The following ZNF541 variants were observed in gnomAD, a reference collection of about 807,000 sequenced individuals.
The protein encoded by ZNF541 is zinc finger protein 541.
Under a neutral mutation model 123.5 loss-of-function variants are expected in ZNF541, and 23 were observed. The ratio of observed to expected loss-of-function variants is 0.19; its 90% CI spans 0.13 to 0.26. The LOEUF is 0.26. Ranked by LOEUF, ZNF541 falls within the 10% of genes least tolerant of loss-of-function variation. ZNF541 has a pLI of 1.00. For missense variants in ZNF541, 1,612 were observed against 1,789.9 expected (o/e 0.90, Z 1.79); for synonymous variants, 751 against 754.5 (o/e 1.00, Z 0.08).
At chr19:47,540,397 TTTG>T (rs1004489095) in intron 6 of ZNF541, 62 bp from the exon 7 acceptor site, 2 of 1,457,146 alleles carry the variant, frequency 1.4e-6, no homozygotes, top group Non-Finnish European at 1.8e-6. Context: ...TCACTGATTT[TTTG>T]TTGTTTTTTT....
intron 2 of ZNF541, among the ~76,000 whole-genome samples, chr19:47,561,200 G>A (rs1189552665): frequency 1.3e-5 from 2 of 152,130 alleles, no homozygotes; most frequent in East Asian, 1.9e-4. Flanking sequence ...CTGGCTGGGT[G>A]TGGTGGCTCA....
chr19:47,533,455 C>T (rs528775713), intron 9 of ZNF541, among the ~76,000 whole-genome samples: 1 of 141,644 alleles, frequency 7.1e-6, no homozygotes, highest in South Asian at 2.5e-4. Context: ...AACAAATTAA[C>T]TCATGACAAG....
intron 2 of ZNF541, among the ~76,000 whole-genome samples, chr19:47,557,802 T>G (rs1970884886): frequency 6.6e-6 from 1 of 151,280 alleles, no homozygotes; most frequent in Non-Finnish European, 1.5e-5. Flanking sequence ...CCTAAGAATC[T>G]ACCTTACAGA....
In ZNF541 at chr19:47,545,803, G is replaced by A. The variant is rs1288738324; in HGVS notation, c.726C>T (p.Ala242=). Residue 242 remains alanine (A), a synonymous_variant, in exon 5 of 17, where the codon GCC becomes GCT. Coordinates refer to ENST00000391901, the MANE Select transcript of ZNF541 (RefSeq NM_001277075.3). This position sits in a 1 kb window ranked among gnomAD's most constrained non-coding sequence, Gnocchi z 7.5. ...EEEACGDSPH[A]HESAGQPPPS... is the part of the protein sequence containing the mutation. ...GGGGCGGCTGGCCGGCCGACTCGTG[G>A]GCGTGGGGGGAGTCCCCGCAGGCCT... 1 of 1,544,680 alleles carries A rather than the reference G, an allele frequency of 6.5e-7. No homozygotes were observed. Among genetic ancestry groups the A allele is most frequent in the Non-Finnish European group, 8.7e-7 (1 of 1,144,650 alleles).
chr19:47,552,532 T>C (rs1970640124), intron 3 of ZNF541, among the ~76,000 whole-genome samples: 1 of 151,730 alleles, frequency 6.6e-6, no homozygotes, highest in South Asian at 2.1e-4. Context: ...AAAATGCCTA[T>C]TAAAATCGAG....
Position 47,555,797 on chromosome 19 carries a change from T to C in ZNF541, c.60A>G (p.Ser20=), listed in dbSNP as rs1342585961. ...GALPSEMHLP[S]FSESQGLNCS... is the part of the protein sequence containing the mutation. ...AGTTGAGCCCTTGGCTCTCTGAAAA[T>C]GAAGGGAGGTGCATTTCTGATGGGA... Residue 20 remains serine, a synonymous_variant, in exon 3 of 17, where the codon TCA becomes TCG. Coordinates refer to ENST00000391901, the MANE Select transcript of ZNF541 (RefSeq NM_001277075.3). The C allele has an allele frequency of 6.4e-7, 1 of 1,551,416 alleles. No individual in the cohort carries two copies. The highest frequency in any genetic ancestry group is 8.7e-7 in the Non-Finnish European group (1 of 1,146,974).
chr19:47,572,958 T>TA lies in ZNF541; in HGVS notation c.-246+124dup, dbSNP rs541144436. Among the ~76,000 whole-genome samples the TA allele has an allele frequency of 4.6e-3, 679 of 147,650 alleles. 8 individuals are homozygous for TA. Among genetic ancestry groups the TA allele is most frequent in the African/African-American group, 0.016 (655 of 39,922 alleles). ...CCCTCGAAAGGCAGATGGGGCCCCC[T>TA]AAAAAAAGAAATCAAGAAACGAATG... On this transcript the variant is annotated intron_variant, in intron 1 of 16. Coordinates refer to ENST00000391901, the MANE Select transcript of ZNF541 (RefSeq NM_001277075.3).
At chr19:47,572,199 G>A (rs191423970) in intron 1 of ZNF541, among the ~76,000 whole-genome samples, 157 bp from the exon 2 acceptor site, 2 of 152,264 alleles carry the variant, frequency 1.3e-5, no homozygotes, top group African/African-American at 4.8e-5. Context: ...GGTTTTTTTG[G>A]TAAGAAGAAA....
chr19:47,545,980 C>T lies in ZNF541; in HGVS notation c.549G>A (p.Leu183=). The T allele has an allele frequency of 6.8e-7, 1 of 1,462,672 alleles. No individual in the cohort carries two copies. Among genetic ancestry groups the T allele is most frequent in the South Asian group, 1.4e-5 (1 of 71,104 alleles). 90.6% of individuals were successfully genotyped at this position (1,462,672 alleles called of 1,614,324 possible). Residue 183 remains leucine (L), a splice_region_variant and synonymous_variant, in exon 5 of 17, where the codon CTG becomes CTA. Coordinates refer to ENST00000391901, the MANE Select transcript of ZNF541 (RefSeq NM_001277075.3). This position sits in a 1 kb window ranked among gnomAD's most constrained non-coding sequence, Gnocchi z 7.5. ...TCTGGTGGGTGAGCATGTGCCCGGT[C>T]CTGGAGCCAGACACAAGCAGGGGCG... The part of the protein sequence containing the change: ...CSKAFKRQDH[L]TGHMLTHQKT...
In ZNF541 at chr19:47,545,591, G is replaced by C; in HGVS notation, c.938C>G (p.Ser313Trp). ...GGCTGGGGTGCAGGACGAGGACCCC[G>C]ATGAGGCGGGGCAGGGACAGGCAGT... ...RNTACPCPAS[S>W]GSSSCTPAGP... Residue 313 changes from serine to tryptophan, a missense_variant, in exon 5 of 17, where the codon TCG becomes TGG. Ser to Trp is a radical substitution (Grantham distance 177). Around this residue, in one of 5 missense-constraint regions of ZNF541, gnomAD observed 1,080 missense variants for 1,013.8 expected, o/e 1.07. Coordinates refer to ENST00000391901, the MANE Select transcript of ZNF541 (RefSeq NM_001277075.3). This position sits in a 1 kb window ranked among gnomAD's most constrained non-coding sequence, Gnocchi z 7.5. 1 of 1,548,750 alleles carries C rather than the reference G, an allele frequency of 6.5e-7. No individual in the cohort carries two copies. Among genetic ancestry groups the C allele is most frequent in the African/African-American group, 1.4e-5 (1 of 73,102 alleles).
rs1333109109 is a variant in ZNF541, at chr19:47,555,896, A to G, written c.-40T>C. The G allele has an allele frequency of 6.6e-7, 1 of 1,511,414 alleles. No homozygotes were observed. The highest frequency in any genetic ancestry group is 1.4e-5 in the African/African-American group (1 of 71,900). The allele number at this position is 1,511,414 out of a possible 1,614,324, so 93.6% of individuals were successfully genotyped here. A position where few individuals can be genotyped will look rare whatever the true frequency, so the allele number is the denominator to read the frequency against. On this transcript the variant is annotated 5_prime_UTR_variant, in exon 3 of 17. Coordinates refer to ENST00000391901, the MANE Select transcript of ZNF541 (RefSeq NM_001277075.3). ...AGGTCTTGGCCAAAAGCTACTCTCC[A>G]GATAAGCAAAACCATGTAAGGAGAC... is the stretch of plus-strand genomic sequence containing the variant.
intron 14 of ZNF541, among the ~76,000 whole-genome samples, chr19:47,525,483 A>AT (rs1568481447): frequency 6.6e-6 from 1 of 152,168 alleles, no homozygotes; most frequent in African/African-American, 2.4e-5. Context: ...ATGGTATTAC[A>AT]TTTTTTTGTC....
chr19:47,561,118 A>T (rs1971044490), intron 2 of ZNF541, among the ~76,000 whole-genome samples: 1 of 152,188 alleles, frequency 6.6e-6, no homozygotes, highest in African/African-American at 2.4e-5. Context: ...TTTGCATGAT[A>T]ATCTAATGCT....
At chr19:47,560,632 GT>G (rs1971023959) in intron 2 of ZNF541, among the ~76,000 whole-genome samples, 1 of 147,810 alleles carries the variant, frequency 6.8e-6, no homozygotes, top group South Asian at 2.1e-4. Flanking sequence ...GCTACACATA[GT>G]TTTTTTCTGC....
Position 47,545,165 on chromosome 19 carries a change from C to A in ZNF541, c.1364G>T (p.Ser455Ile). The A allele has an allele frequency of 6.7e-7, 1 of 1,496,590 alleles. No individual in the cohort carries two copies. Among genetic ancestry groups the A allele is most frequent in the Admixed American group, 2.2e-5 (1 of 45,208 alleles). 92.7% of individuals were successfully genotyped at this position (1,496,590 alleles called of 1,614,324 possible). Residue 455 changes from serine to isoleucine, a missense_variant, in exon 5 of 17, where the codon AGC (serine) becomes ATC (isoleucine). Ser to Ile is a moderately radical substitution (Grantham distance 142). Around this residue, in one of 5 missense-constraint regions of ZNF541, gnomAD observed 1,080 missense variants for 1,013.8 expected, o/e 1.07. Transcript: ENST00000391901. The surrounding 1 kb of genome is among the most constrained non-coding windows in gnomAD (Gnocchi z 7.5). ...GCCGGGCGGGGACTCCTCCGAGGGGCTTCCGCTGCTGGGTCCCGGGCCAGA... is the reference window on the plus strand; with the variant it reads ...GCCGGGCGGGGACTCCTCCGAGGGGATTCCGCTGCTGGGTCCCGGGCCAGA... ...SESGPGPSSGSPSEESPPGPG... is the reference protein window; with the variant it reads ...SESGPGPSSGIPSEESPPGPG...
chr19:47,571,091 G>T (rs1971461493), intron 2 of ZNF541, among the ~76,000 whole-genome samples: 1 of 152,034 alleles, frequency 6.6e-6, no homozygotes, highest in East Asian at 1.9e-4. Flanking sequence ...TGGCCGGCAG[G>T]CATATTTTAT....
At chr19:47,563,216 C>T (rs1261622421) in intron 2 of ZNF541, among the ~76,000 whole-genome samples, 1 of 152,144 alleles carries the variant, frequency 6.6e-6, no homozygotes, top group African/African-American at 2.4e-5. Context: ...AACTGAGTTT[C>T]AGAATTTGAG....
chr19:47,534,320 G>C (rs960407302), intron 9 of ZNF541, among the ~76,000 whole-genome samples: 1 of 152,130 alleles, frequency 6.6e-6, no homozygotes, highest in African/African-American at 2.4e-5. Context: ...TGTAACAGGA[G>C]TACCAGATGG....
chr19:47,536,769 C>T (rs1486304097), intron 9 of ZNF541, among the ~76,000 whole-genome samples: 2 of 152,002 alleles, frequency 1.3e-5, no homozygotes, highest in Non-Finnish European at 2.9e-5. Context: ...CCAAAAAAAC[C>T]CCAAAAATTT....
Sources: allele counts gnomAD v4.1 joint callset (sites outside exome capture counted in the v4.1 genomes callset), GRCh38; gene constraint gnomAD v4.1.1; regional missense constraint gnomAD v4.1.1; non-coding constraint Gnocchi (gnomAD v3.1); transcripts MANE v1.5; gene names NCBI Gene and HGNC (gene_info 2026-07-23, HGNC 2026-07-21).